Variants in ANAPC5 observed in about 807,000 individuals in gnomAD.
ANAPC5 encodes the protein anaphase promoting complex subunit 5.
ANAPC5 carries 60 observed loss-of-function variants against 91.3 expected under a neutral mutation model. The observed-to-expected ratio is 0.66, with a 90% CI of 0.53 to 0.81. The LOEUF is 0.81. ANAPC5 is among the 40% of genes least tolerant of loss of function. ANAPC5 has a pLI of 0.00. For synonymous variants in ANAPC5, 340 were observed against 364.1 expected, an observed-to-expected ratio of 0.93 and a Z score of 0.75; for missense variants, 690 against 931.5, an observed-to-expected ratio of 0.74 and a Z score of 3.37.
chr12:121,309,822 G>A lies in ANAPC5; in HGVS notation c.1935C>T (p.His645=), dbSNP rs1258220916. ...CAGCCAAGATGGGCTCGATGGCCAT[G>A]TGGAGAAGACTTAAGGCCTGTTCTG... ...GIPEQALSLL[H]MAIEPILADG... Residue 645 remains histidine (H), a synonymous_variant, in exon 16 of 17, where the codon CAC becomes CAT. Coordinates refer to ENST00000261819, the MANE Select transcript of ANAPC5 (RefSeq NM_016237.5). 6.2e-7 allele frequency: 1 copy of A among 1,614,158 alleles called. No individual in the cohort carries two copies. Among genetic ancestry groups the A allele is most frequent in the Admixed American group, 1.7e-5 (1 of 60,010 alleles).
In ANAPC5 at chr12:121,308,555, G is replaced by A; in HGVS notation, c.2193C>T (p.Asn731=). The A allele has an allele frequency of 6.2e-7, 1 of 1,614,150 alleles. No individual in the cohort carries two copies. Among genetic ancestry groups the A allele is most frequent in the Middle Eastern group, 1.6e-4 (1 of 6,062 alleles). The change falls in exon 17 of 17, where the codon AAC becomes AAT. Residue 731 remains asparagine (N), a synonymous_variant. Coordinates refer to ENST00000261819, the MANE Select transcript of ANAPC5 (RefSeq NM_016237.5). ...GCTGCCGGAAGAGCATCGCACACCGGTTCCTCTCCTGGGTCTTCCCCAGGG... is the reference window on the plus strand; with the variant it reads ...GCTGCCGGAAGAGCATCGCACACCGATTCCTCTCCTGGGTCTTCCCCAGGG... ...YHTLGKTQER[N]RCAMLFRQLH... is the part of the protein sequence containing the mutation.
intron 5 of ANAPC5, among the ~76,000 whole-genome samples, chr12:121,340,733 GT>G (rs35021667): frequency 1.1e-4 from 17 of 150,372 alleles, no homozygotes; most frequent in African/African-American, 3.9e-4. Context: ...TTGTGTGTGT[GT>G]TTTTTTTAGC....
At chr12:121,349,165 A>C (rs1169964) in intron 1 of ANAPC5, among the ~76,000 whole-genome samples, 130,848 of 152,130 alleles carry the variant, frequency 0.86, 57,339 homozygotes, top group Non-Finnish European at 0.95. Context: ...TCTAGGCACC[A>C]AGCCAAAAAT....
intron 1 of ANAPC5, among the ~76,000 whole-genome samples, chr12:121,348,980 T>C (rs1169963): frequency 0.8 from 122,206 of 152,194 alleles, 51,601 homozygotes; most frequent in Non-Finnish European, 0.94. Context: ...AAAGACCATT[T>C]GGGGCCTGGC....
At chr12:121,329,897 G>A (rs1902973355) in intron 9 of ANAPC5, among the ~76,000 whole-genome samples, 1 of 152,122 alleles carries the variant, frequency 6.6e-6, no homozygotes, top group Non-Finnish European at 1.5e-5. Context: ...TTACAGGTGT[G>A]AGCCACCACG....
At chr12:121,346,596 C>T in intron 3 of ANAPC5, 1 of 265,490 alleles carries the variant, frequency 3.8e-6, no homozygotes, top group Non-Finnish European at 7.0e-6. Context: ...TGGTGACCCT[C>T]ACTTACAGAT....
At chr12:121,319,952 A>C (rs1902529105) in intron 12 of ANAPC5, 134 bp from the exon 13 acceptor site, 1 of 881,146 alleles carries the variant, frequency 1.1e-6, no homozygotes, top group South Asian at 2.2e-5. Flanking sequence ...GGGGATTTAA[A>C]ATTTTTTTAA....
chr12:121,331,175 G>A, intron 8 of ANAPC5, 172 bp downstream of exon 8: 2 of 542,926 alleles, frequency 3.7e-6, no homozygotes, highest in Non-Finnish European at 6.6e-6. Context: ...CATGAATTAA[G>A]AAAGGTAAGT....
chr12:121,317,316 C>T (rs999502759), intron 15 of ANAPC5, among the ~76,000 whole-genome samples: 9 of 150,360 alleles, frequency 6.0e-5, no homozygotes, highest in Admixed American at 2.0e-4. Context: ...TACGGTGTCA[C>T]GATCCTGGCT....
chr12:121,345,704 T>G, intron 4 of ANAPC5, 135 bp downstream of exon 4: 3 of 887,648 alleles, frequency 3.4e-6, no homozygotes, highest in Non-Finnish European at 5.2e-6. Flanking sequence ...GCAGCCCTTA[T>G]CAGTTAACTT....
chr12:121,309,933 C>A, intron 15 of ANAPC5, 70 bp from the exon 16 acceptor site: 1 of 1,454,636 alleles, frequency 6.9e-7, no homozygotes, highest in South Asian at 1.4e-5. Flanking sequence ...CGTTTCATTT[C>A]TGGCAGTTCT....
intron 15 of ANAPC5, among the ~76,000 whole-genome samples, chr12:121,313,215 A>G (rs1593572876): frequency 6.6e-6 from 1 of 151,896 alleles, no homozygotes; most frequent in Admixed American, 6.6e-5. Context: ...AATCCCAGCT[A>G]CTCGGGAGGC....
chr12:121,310,498 G>A (rs1902120586), intron 15 of ANAPC5: 1 of 152,418 alleles, frequency 6.6e-6, no homozygotes, highest in Non-Finnish European at 1.5e-5. Flanking sequence ...AGGAGGTCAA[G>A]GTTGCAGTGA....
intron 1 of ANAPC5, among the ~76,000 whole-genome samples, chr12:121,350,028 T>C (rs1903822994): frequency 6.6e-6 from 1 of 152,116 alleles, no homozygotes; most frequent in Non-Finnish European, 1.5e-5. Flanking sequence ...AAAATTTTAG[T>C]ATTATAACTT....
chr12:121,341,874 G>A (rs1903472965), intron 5 of ANAPC5, 129 bp downstream of exon 5: 1 of 582,068 alleles, frequency 1.7e-6, no homozygotes, highest in Non-Finnish European at 2.9e-6. Flanking sequence ...GGGACCAAGA[G>A]TAAAGGCTGA....
At chr12:121,309,909 C>T (rs751044046) in intron 15 of ANAPC5, 46 bp from the exon 16 acceptor site, 1 of 1,511,606 alleles carries the variant, frequency 6.6e-7, no homozygotes, top group South Asian at 1.3e-5. Context: ...AACCCACTGC[C>T]CTTCACCAGG....
chr12:121,318,635 G>A (rs369843287), intron 13 of ANAPC5, 27 bp from the exon 14 acceptor site: 1 of 1,561,710 alleles, frequency 6.4e-7, no homozygotes, highest in African/African-American at 1.4e-5. Flanking sequence ...ATGAACACAA[G>A]TGTTTTAACT....
rs1903009021 is a variant in ANAPC5, at chr12:121,330,639, C to T, written c.1066G>A (p.Asp356Asn). 5.6e-6 allele frequency: 9 copies of T among 1,613,966 alleles called. No individual in the cohort carries two copies. Among genetic ancestry groups the T allele is most frequent in the Admixed American group, 1.7e-5 (1 of 59,996 alleles). ...WLYVLGQKRS[D>N]SYVLLEHSVK... ...GAATGCTCCAGCAGAACATAGCTAT[C>T]GGATCTCTTCTGCCCCAGCACATAA... is the stretch of plus-strand genomic sequence containing the variant. The change falls in exon 9 of 17, where the codon GAT (aspartate) becomes AAT (asparagine). Residue 356 changes from aspartate to asparagine, a missense_variant. Coordinates refer to ENST00000261819, the MANE Select transcript of ANAPC5 (RefSeq NM_016237.5).
intron 11 of ANAPC5, among the ~76,000 whole-genome samples, chr12:121,322,441 G>A (rs750372276): frequency 7.9e-5 from 12 of 152,196 alleles, no homozygotes; most frequent in Non-Finnish European, 1.5e-4. Context: ...TTACAGGCAT[G>A]AGCCACCGTG....
Sources: allele counts gnomAD v4.1 joint callset (sites outside exome capture counted in the v4.1 genomes callset), GRCh38; gene constraint gnomAD v4.1.1; transcripts MANE v1.5; gene names NCBI Gene and HGNC (gene_info 2026-07-23, HGNC 2026-07-21).